Variants in SLIT3 observed in about 807,000 individuals in gnomAD.
The protein encoded by SLIT3 is slit guidance ligand 3.
SLIT3 carries 68 observed loss-of-function variants against 184.0 expected under a neutral mutation model. The observed-to-expected ratio is 0.37, with a 90% CI of 0.30 to 0.45. The LOEUF is 0.45. Ranked by LOEUF, SLIT3 falls within the 20% of genes least tolerant of loss-of-function variation. The pLI, the probability that SLIT3 is intolerant of heterozygous loss-of-function variation, is 1.00. For synonymous variants in SLIT3, 831 were observed against 828.6 expected, an observed-to-expected ratio of 1.00 and a Z score of -0.05; for missense variants, 1,707 against 2,026.0, an observed-to-expected ratio of 0.84 and a Z score of 3.02.
intron 28 of SLIT3, among the ~76,000 whole-genome samples, chr5:168,695,132 C>T (rs1353244775): frequency 6.6e-6 from 1 of 152,204 alleles, no homozygotes; most frequent in Non-Finnish European, 1.5e-5. Flanking sequence ...CCTTCTCTGC[C>T]ATCTTCAAGG....
At chr5:168,892,357 A>G (rs1285690833) in intron 4 of SLIT3, among the ~76,000 whole-genome samples, 1 of 152,202 alleles carries the variant, frequency 6.6e-6, no homozygotes, top group Non-Finnish European at 1.5e-5. Context: ...GTGATCACAC[A>G]TAGCTAGTGC....
Position 168,748,201 on chromosome 5 carries a change from A to G in SLIT3, c.2270+101T>C, listed in dbSNP as rs1754558800. On this transcript the variant is annotated intron_variant, in intron 20 of 35. Transcript: ENST00000519560. Reference sequence around the variant, plus strand: ...CATTCAAGTAGGGTCTCCCCCCGGCAGTTTCGCCATGTTGCCTTGCTTGAG... The same window carrying G: ...CATTCAAGTAGGGTCTCCCCCCGGCGGTTTCGCCATGTTGCCTTGCTTGAG... 3 of 1,321,358 alleles carry G rather than the reference A, an allele frequency of 2.3e-6. No homozygotes were observed. In the East Asian group the frequency reaches 8.5e-5, roughly 37 times the overall value. The allele number at this position is 1,321,358 out of a possible 1,614,324, so 81.9% of individuals were successfully genotyped here. A position where few individuals can be genotyped will look rare whatever the true frequency, so the allele number is the denominator to read the frequency against.
chr5:168,910,008 G>A (rs1761203304), intron 4 of SLIT3, among the ~76,000 whole-genome samples: 1 of 152,154 alleles, frequency 6.6e-6, no homozygotes, highest in South Asian at 2.1e-4. Flanking sequence ...TTCTCTTCTT[G>A]TGAAACATGC....
intron 4 of SLIT3, among the ~76,000 whole-genome samples, chr5:168,958,402 T>A (rs1762903565): frequency 6.6e-6 from 1 of 152,240 alleles, no homozygotes; most frequent in African/African-American, 2.4e-5. Flanking sequence ...GAATTTATTA[T>A]ATGTCAGCCA....
intron 4 of SLIT3, among the ~76,000 whole-genome samples, chr5:168,982,554 T>C (rs569161933): frequency 1.3e-5 from 2 of 152,218 alleles, no homozygotes; most frequent in Non-Finnish European, 2.9e-5. Flanking sequence ...AATATCTTTA[T>C]TTCATTTTTC....
intron 3 of SLIT3, among the ~76,000 whole-genome samples, chr5:169,220,526 TC>T (rs766741485): frequency 6.6e-5 from 10 of 152,184 alleles, no homozygotes; most frequent in Admixed American, 2.0e-4. Flanking sequence ...GTATATGAGA[TC>T]ACACACATAT....
chr5:168,838,368 C>T (rs1413144971), intron 6 of SLIT3, among the ~76,000 whole-genome samples: 1 of 152,064 alleles, frequency 6.6e-6, no homozygotes, highest in African/African-American at 2.4e-5. Flanking sequence ...ATGCCTCATT[C>T]TACTGACTTA....
chr5:169,296,784 G>A (rs920103027), intron 1 of SLIT3, among the ~76,000 whole-genome samples: 3 of 152,112 alleles, frequency 2.0e-5, no homozygotes, highest in Admixed American at 6.5e-5. Context: ...GTTCTCCTTC[G>A]CAAACAGGAA....
chr5:168,749,687 C>T lies in SLIT3; in HGVS notation c.1974-52G>A, dbSNP rs752794446. 6.9e-6 allele frequency: 11 copies of T among 1,596,060 alleles called. No homozygotes were observed. In the African/African-American group the frequency reaches 1.3e-4, roughly 19 times the overall value. Reference sequence around the variant, plus strand: ...TCCATCCTTCTACTGTGGGAGCGGCCCTGGGATCTGCTGCCCAGAGCCCAG... The same window carrying T: ...TCCATCCTTCTACTGTGGGAGCGGCTCTGGGATCTGCTGCCCAGAGCCCAG... On this transcript the variant is annotated intron_variant, in intron 18 of 35. Coordinates refer to ENST00000519560, the MANE Select transcript of SLIT3 (RefSeq NM_003062.4).
At chr5:169,298,327 T>C (rs1213502919) in intron 1 of SLIT3, among the ~76,000 whole-genome samples, 1 of 152,020 alleles carries the variant, frequency 6.6e-6, no homozygotes, top group Non-Finnish European at 1.5e-5. Context: ...CCAGTCTCTG[T>C]CCTGTTTCTC....
At chr5:168,693,487 A>C (rs1761966154) in intron 28 of SLIT3, among the ~76,000 whole-genome samples, 1 of 152,196 alleles carries the variant, frequency 6.6e-6, no homozygotes, top group South Asian at 2.1e-4. Flanking sequence ...ACCACCTGAA[A>C]ATGTGTTTTA....
intron 16 of SLIT3, among the ~76,000 whole-genome samples, chr5:168,755,723 G>A (rs961148831): frequency 6.6e-6 from 1 of 152,254 alleles, no homozygotes; most frequent in South Asian, 2.1e-4. Flanking sequence ...GGCATGAGCC[G>A]CCATGCCTGG....
intron 4 of SLIT3, among the ~76,000 whole-genome samples, chr5:169,058,903 G>A (rs1299940645): frequency 6.6e-6 from 1 of 152,222 alleles, no homozygotes; most frequent in Admixed American, 6.5e-5. Flanking sequence ...TATCAAGGAA[G>A]AGCAACAGAA....
chr5:168,721,773 T>A (rs1476900595), intron 23 of SLIT3, among the ~76,000 whole-genome samples: 2 of 152,170 alleles, frequency 1.3e-5, no homozygotes, highest in African/African-American at 4.8e-5. Context: ...CTAATAGCTG[T>A]CTGTGAGCTG....
intron 4 of SLIT3, chr5:169,120,051 T>A (rs1265356901): frequency 1.3e-5 from 2 of 152,172 alleles, no homozygotes. Context: ...TTAAAACTAC[T>A]CCATGTGCAA....
chr5:169,229,528 G>T (rs756764861), intron 3 of SLIT3, among the ~76,000 whole-genome samples: 8 of 152,140 alleles, frequency 5.3e-5, no homozygotes, highest in African/African-American at 7.2e-5. Context: ...GCTTCTGATG[G>T]GAGAACAGGG....
At chr5:169,280,556 T>G (rs959407824) in intron 1 of SLIT3, among the ~76,000 whole-genome samples, 2 of 152,000 alleles carry the variant, frequency 1.3e-5, no homozygotes, top group African/African-American at 2.4e-5. Flanking sequence ...GCAGGAAAAA[T>G]GTAGTCTGGG....
intron 4 of SLIT3, among the ~76,000 whole-genome samples, chr5:169,188,019 G>A (rs1159468046): frequency 6.6e-6 from 1 of 152,158 alleles, no homozygotes; most frequent in Non-Finnish European, 1.5e-5. Flanking sequence ...GTGCAGTGGT[G>A]TGATCTCAGC....
intron 6 of SLIT3, among the ~76,000 whole-genome samples, chr5:168,832,277 G>A (rs967269273): frequency 1.3e-5 from 2 of 152,244 alleles, no homozygotes; most frequent in African/African-American, 4.8e-5. Context: ...TGAGTTTGCA[G>A]TTGAAAAGGG....
Sources: allele counts gnomAD v4.1 joint callset (sites outside exome capture counted in the v4.1 genomes callset), GRCh38; gene constraint gnomAD v4.1.1; transcripts MANE v1.5; gene names NCBI Gene and HGNC (gene_info 2026-07-23, HGNC 2026-07-21).